ST7: variants seen among roughly 807,000 people sequenced by gnomAD.
ST7 encodes suppression of tumorigenicity 7.
ST7 carries 28 observed loss-of-function variants against 78.7 expected under a neutral mutation model. That is an observed-to-expected ratio of 0.36 (90% CI 0.26 to 0.49). The LOEUF (loss-of-function observed/expected upper bound fraction) is 0.49. ST7 is among the 20% of genes least tolerant of loss of function. The probability of loss-of-function intolerance (pLI) is 0.99; values close to 1 mark genes in which losing one functional copy is unlikely to be tolerated. For missense variants in ST7, 418 were observed against 696.0 expected (o/e 0.60, Z 4.49); for synonymous variants, 247 against 249.6 (o/e 0.99, Z 0.10).
intron 10 of ST7, chr7:117,182,563 A>G (rs1269818740): frequency 6.6e-6 from 1 of 152,202 alleles, no homozygotes; most frequent in Admixed American, 6.5e-5. Flanking sequence ...AAAAGGGAGA[A>G]AAGACCTGAC....
chr7:116,970,515 A>G (rs1793363564), intron 1 of ST7, among the ~76,000 whole-genome samples: 1 of 152,184 alleles, frequency 6.6e-6, no homozygotes, highest in Non-Finnish European at 1.5e-5. Flanking sequence ...GTGTCCTCAC[A>G]TGGAAGAGAG....
At chr7:117,093,633 G>A (rs1435644894) in intron 1 of ST7, among the ~76,000 whole-genome samples, 4 of 152,060 alleles carry the variant, frequency 2.6e-5, no homozygotes, top group South Asian at 2.1e-4. Context: ...CCCGGGAGGC[G>A]GAGGTTGCAG....
At chr7:117,117,533 A>G (rs1277501701) in intron 2 of ST7, among the ~76,000 whole-genome samples, 2 of 152,180 alleles carry the variant, frequency 1.3e-5, no homozygotes, top group Non-Finnish European at 1.5e-5. Context: ...ATGCAAAGCC[A>G]TGAATCTATT....
intron 10 of ST7, chr7:117,173,457 C>T (rs752084103): frequency 7.2e-5 from 11 of 152,214 alleles, no homozygotes; most frequent in Admixed American, 2.6e-4. Context: ...AAACATGCCT[C>T]TTGTTTCTCA....
intron 9 of ST7, among the ~76,000 whole-genome samples, chr7:117,170,090 C>T (rs893967295): frequency 2.0e-5 from 3 of 152,126 alleles, no homozygotes; most frequent in Non-Finnish European, 4.4e-5. Context: ...GTAATGCCCC[C>T]TTGTTTACCC....
intron 9 of ST7, among the ~76,000 whole-genome samples, chr7:117,160,735 G>C (rs1190952590): frequency 6.6e-6 from 1 of 151,838 alleles, no homozygotes; most frequent in Non-Finnish European, 1.5e-5. Flanking sequence ...TGTGGTTTTA[G>C]AGAAGAAGCA....
intron 1 of ST7, among the ~76,000 whole-genome samples, chr7:117,079,406 T>A (rs1182266300): frequency 6.6e-6 from 1 of 152,204 alleles, no homozygotes; most frequent in African/African-American, 2.4e-5. Flanking sequence ...ATTTTGTGAT[T>A]GTAGCAAACT....
At chr7:117,076,403 C>T (rs1436684190) in intron 1 of ST7, 1 of 152,218 alleles carries the variant, frequency 6.6e-6, no homozygotes, top group Non-Finnish European at 1.5e-5. Flanking sequence ...TATACACATA[C>T]ACCCAAAACT....
chr7:117,057,173 A>G (rs1443144072), intron 1 of ST7, among the ~76,000 whole-genome samples: 2 of 152,204 alleles, frequency 1.3e-5, no homozygotes, highest in Admixed American at 6.5e-5. Flanking sequence ...AAAGGTTTTC[A>G]TATACATACT....
At chr7:117,026,503 A>G (rs938322471) in intron 1 of ST7, among the ~76,000 whole-genome samples, 6 of 152,262 alleles carry the variant, frequency 3.9e-5, no homozygotes, top group Admixed American at 3.3e-4. Context: ...GATTTTCAAT[A>G]TATTTTATTT....
At chr7:117,000,616 A>G (rs1457352304) in intron 1 of ST7, among the ~76,000 whole-genome samples, 2 of 152,234 alleles carry the variant, frequency 1.3e-5, no homozygotes, top group Non-Finnish European at 2.9e-5. Context: ...TCTGTAGTCT[A>G]TCAAAGTAAT....
At chr7:117,098,567 C>T (rs1441180991) in intron 1 of ST7, 2 of 269,286 alleles carry the variant, frequency 7.4e-6, no homozygotes, top group South Asian at 8.3e-5. Flanking sequence ...GGAACTGTGT[C>T]TGATTCATTC....
intron 3 of ST7, among the ~76,000 whole-genome samples, chr7:117,121,598 GT>G (rs1240252810): frequency 6.6e-6 from 1 of 152,106 alleles, no homozygotes; most frequent in East Asian, 1.9e-4. Context: ...TATCCTTCAT[GT>G]TTTAGAACTG....
chr7:117,139,643 C>T (rs1472894209), intron 9 of ST7, among the ~76,000 whole-genome samples: 2 of 152,070 alleles, frequency 1.3e-5, no homozygotes, highest in Admixed American at 6.6e-5. Flanking sequence ...AGTGTAGCCC[C>T]CAAATCTGAG....
At chr7:117,160,018 ATGG>A (rs902157431) in intron 9 of ST7, among the ~76,000 whole-genome samples, 1 of 152,062 alleles carries the variant, frequency 6.6e-6, no homozygotes, top group Non-Finnish European at 1.5e-5. Flanking sequence ...CCTGGCCAAC[ATGG>A]TGAAACCCTG....
intron 10 of ST7, among the ~76,000 whole-genome samples, chr7:117,177,776 C>T (rs1204451461): frequency 6.6e-6 from 1 of 152,108 alleles, no homozygotes; most frequent in East Asian, 1.9e-4. Context: ...AAGGGGACCT[C>T]GGATTGGCTT....
intron 14 of ST7, among the ~76,000 whole-genome samples, chr7:117,220,845 C>T (rs113012372): frequency 3.3e-5 from 5 of 152,190 alleles, no homozygotes; most frequent in Non-Finnish European, 7.3e-5. Context: ...TAGGCATATT[C>T]GTCTGCATGG....
At chr7:117,226,966 C>T (rs895509965) in intron 15 of ST7, among the ~76,000 whole-genome samples, 17 of 152,318 alleles carry the variant, frequency 1.1e-4, no homozygotes, top group Non-Finnish European at 1.5e-4. Flanking sequence ...GACCACAGTA[C>T]TTTGCTGTGC....
intron 1 of ST7, chr7:117,098,701 C>A: frequency 9.0e-7 from 1 of 1,113,474 alleles, no homozygotes; most frequent in Admixed American, 3.1e-5. Flanking sequence ...AGGACAGATG[C>A]CAAAGCCTTT....
Sources: allele counts gnomAD v4.1 joint callset (sites outside exome capture counted in the v4.1 genomes callset), GRCh38; gene constraint gnomAD v4.1.1; transcripts MANE v1.5; gene names NCBI Gene and HGNC (gene_info 2026-07-23, HGNC 2026-07-21).